PARL: variants seen among roughly 807,000 people sequenced by gnomAD.
PARL encodes the protein presenilin-associated rhomboid-like protein, mitochondrial.
A neutral mutation model predicts 51.6 loss-of-function variants in PARL; 44 were observed. The ratio of observed to expected loss-of-function variants is 0.85; its 90% CI spans 0.67 to 1.10. PARL has a LOEUF of 1.10. Among genes scored for constraint, PARL ranks in the 50% least tolerant of loss-of-function variants. The pLI, the probability that PARL is intolerant of heterozygous loss-of-function variation, is 0.00. For synonymous variants in PARL, 172 were observed against 164.0 expected (o/e 1.05, Z -0.37); for missense variants, 441 against 469.5 (o/e 0.94, Z 0.56).
At chr3:183,842,528 G>T in intron 5 of PARL, 81 bp from the exon 6 acceptor site, 1 of 1,387,064 alleles carries the variant, frequency 7.2e-7, no homozygotes. Context: ...TTTAAAATTA[G>T]GCCGGACGCA....
chr3:183,846,246 T>C (rs901392060), intron 4 of PARL, among the ~76,000 whole-genome samples: 1 of 151,786 alleles, frequency 6.6e-6, no homozygotes, highest in African/African-American at 2.4e-5. Context: ...ATCCCAGCAG[T>C]ACTTTGGGAG....
At chr3:183,844,374 G>T in intron 4 of PARL, 48 bp from the exon 5 acceptor site, 1 of 1,191,642 alleles carries the variant, frequency 8.4e-7, no homozygotes, top group Non-Finnish European at 1.3e-6. Flanking sequence ...ATGAAAGCAG[G>T]AAAGTCTGAT....
At chr3:183,838,309 G>A (rs895184471) in intron 7 of PARL, among the ~76,000 whole-genome samples, 4 of 152,326 alleles carry the variant, frequency 2.6e-5, no homozygotes, top group South Asian at 2.1e-4. Context: ...CTACAGGCGT[G>A]AGCCACTGTG....
At chr3:183,850,301 C>T (rs981167544) in intron 4 of PARL, among the ~76,000 whole-genome samples, 8 of 152,156 alleles carry the variant, frequency 5.3e-5, no homozygotes, top group Non-Finnish European at 1.2e-4. Flanking sequence ...TGGTGGCTCT[C>T]GACAATTCTT....
intron 4 of PARL, chr3:183,846,547 CAA>C (rs1729977714): frequency 1.0e-6 from 1 of 984,132 alleles, no homozygotes; most frequent in Non-Finnish European, 1.2e-6. Flanking sequence ...TAACAGTAGA[CAA>C]AGAGTTAACA....
chr3:183,846,553 G>A (rs1486462857), intron 4 of PARL: 18 of 984,578 alleles, frequency 1.8e-5, no homozygotes, highest in East Asian at 1.1e-4. Context: ...TAGACAAAGA[G>A]TTAACACTGC....
chr3:183,838,158 T>C (rs1211498862), intron 7 of PARL, among the ~76,000 whole-genome samples: 1 of 151,242 alleles, frequency 6.6e-6, no homozygotes, highest in African/African-American at 2.4e-5. Context: ...CCTGAGTAGG[T>C]AGGATTACAG....
intron 7 of PARL, among the ~76,000 whole-genome samples, chr3:183,839,202 A>G (rs968284365): frequency 2.0e-4 from 31 of 152,216 alleles, no homozygotes; most frequent in African/African-American, 7.2e-4. Flanking sequence ...GGAACATACA[A>G]ATTAGGGAAT....
intron 5 of PARL, 77 bp downstream of exon 5, chr3:183,844,154 C>G: frequency 9.8e-7 from 1 of 1,024,752 alleles, no homozygotes; most frequent in Non-Finnish European, 1.6e-6. Context: ...GTCTTTTTTA[C>G]AGCACTTCCA....
chr3:183,881,669 G>A (rs1178130384), intron 1 of PARL, among the ~76,000 whole-genome samples: 2 of 152,154 alleles, frequency 1.3e-5, no homozygotes, highest in South Asian at 2.1e-4. Context: ...GACGCAGGGG[G>A]ATCCCTTGAA....
chr3:183,834,760 G>A (rs530888260), intron 7 of PARL, among the ~76,000 whole-genome samples: 1 of 152,016 alleles, frequency 6.6e-6, no homozygotes, highest in South Asian at 2.1e-4. Context: ...ACTACATGGG[G>A]CTGGGTGCAG....
At chr3:183,873,227 C>T (rs980053056) in intron 1 of PARL, among the ~76,000 whole-genome samples, 4 of 152,104 alleles carry the variant, frequency 2.6e-5, no homozygotes, top group Admixed American at 2.0e-4. Flanking sequence ...AGTTGACAGC[C>T]GGGCATGGTA....
chr3:183,871,685 G>A (rs960182012), intron 1 of PARL, among the ~76,000 whole-genome samples: 1 of 152,144 alleles, frequency 6.6e-6, no homozygotes, highest in African/African-American at 2.4e-5. Flanking sequence ...CTAACCTGTA[G>A]TGATAAATAT....
At chr3:183,883,449 T>C (rs555878965) in intron 1 of PARL, 1 of 217,546 alleles carries the variant, frequency 4.6e-6, no homozygotes, top group East Asian at 1.8e-4. Flanking sequence ...CTTGTATTTT[T>C]AGTAGAGACG....
At chr3:183,844,479 A>G (rs1353287006) in intron 4 of PARL, 153 bp from the exon 5 acceptor site, 2 of 639,920 alleles carry the variant, frequency 3.1e-6, no homozygotes, top group Non-Finnish European at 5.6e-6. Flanking sequence ...AAGTGAAATG[A>G]ATGCTTTTAA....
At chr3:183,846,300 C>A (rs954342146) in intron 4 of PARL, among the ~76,000 whole-genome samples, 1 of 152,068 alleles carries the variant, frequency 6.6e-6, no homozygotes, top group Non-Finnish European at 1.5e-5. Flanking sequence ...TCGAGACCAG[C>A]CTGACCAACA....
chr3:183,828,978 A>G (rs1490993160), downstream of PARL, among the ~76,000 whole-genome samples: 2 of 152,322 alleles, frequency 1.3e-5, no homozygotes, highest in East Asian at 3.9e-4. Flanking sequence ...AGAAGATAAA[A>G]TTCGGCTCAG....
At chr3:183,841,553 GTT>G (rs1729316476) in intron 6 of PARL, among the ~76,000 whole-genome samples, 1 of 152,138 alleles carries the variant, frequency 6.6e-6, no homozygotes, top group African/African-American at 2.4e-5. Flanking sequence ...CAAGCTTAGT[GTT>G]TTTCACTACA....
chr3:183,851,484 A>C (rs6443908), intron 4 of PARL, among the ~76,000 whole-genome samples: 114,061 of 151,816 alleles, frequency 0.75, 43,105 homozygotes, highest in East Asian at 0.96. Context: ...TTTAAATGGG[A>C]AAAAGATTTG....
Sources: allele counts gnomAD v4.1 joint callset (sites outside exome capture counted in the v4.1 genomes callset), GRCh38; gene constraint gnomAD v4.1.1; transcripts MANE v1.5; gene names NCBI Gene and HGNC (gene_info 2026-07-23, HGNC 2026-07-21).